MYO1H: variants seen among roughly 807,000 people sequenced by gnomAD.
The protein encoded by MYO1H is myosin IH.
A neutral mutation model predicts 149.3 loss-of-function variants in MYO1H; 118 were observed. That is an observed-to-expected ratio of 0.79 (90% CI 0.68 to 0.92). MYO1H has a LOEUF of 0.92. Among genes scored for constraint, MYO1H ranks in the 40% least tolerant of loss-of-function variants. MYO1H has a pLI of 0.00. For synonymous variants in MYO1H, 447 were observed against 465.2 expected, an observed-to-expected ratio of 0.96 and a Z score of 0.50; for missense variants, 1,212 against 1,280.7, an observed-to-expected ratio of 0.95 and a Z score of 0.82.
intron 1 of MYO1H, among the ~76,000 whole-genome samples, chr12:109,364,163 C>A (rs1162243870): frequency 1.6e-5 from 2 of 128,516 alleles, no homozygotes; most frequent in African/African-American, 3.1e-5. Flanking sequence ...AGAGAGAGAC[C>A]ATGTCTTTAA....
chr12:109,356,389 GTT>G (rs3036281), intron 1 of MYO1H, among the ~76,000 whole-genome samples: 1 of 149,684 alleles, frequency 6.7e-6, no homozygotes, highest in African/African-American at 2.4e-5. Flanking sequence ...GTTTGTTTTT[GTT>G]TTTTTTTTGT....
chr12:109,408,639 T>C (rs974277593), intron 10 of MYO1H, among the ~76,000 whole-genome samples: 1 of 152,070 alleles, frequency 6.6e-6, no homozygotes, highest in South Asian at 2.1e-4. Flanking sequence ...AAGCTAAAAA[T>C]TAAGAAATGA....
chr12:109,428,668 T>C (rs988179532), intron 19 of MYO1H, among the ~76,000 whole-genome samples: 1 of 152,206 alleles, frequency 6.6e-6, no homozygotes, highest in African/African-American at 2.4e-5. Context: ...CATTTGAGAC[T>C]CTTTGCCTTT....
At chr12:109,433,500 A>C (rs1871726951) in intron 20 of MYO1H, among the ~76,000 whole-genome samples, 2 of 152,206 alleles carry the variant, frequency 1.3e-5, no homozygotes. Flanking sequence ...AAGGGACATG[A>C]ATCGGGAAGA....
At position 109,443,103 on chromosome 12, in the gene MYO1H, C is replaced by CGTATGTGTGTGTATGTGTAT. The variant is rs1491439990; in HGVS notation, c.2689-407_2689-406insGTGTGTGTATGTGTATGTAT. Among the ~76,000 whole-genome samples the CGTATGTGTGTGTATGTGTAT allele has an allele frequency of 6.2e-5, 4 of 64,320 alleles. 2 individuals carry two copies. The highest frequency in any genetic ancestry group is 1.2e-4 in the African/African-American group (2 of 17,154). The allele number at this position is 64,320 out of a possible 152,430, so 42.2% of individuals were successfully genotyped here. ...GTACGTATGTGTGTATATATGTGTA[C>CGTATGTGTGTGTATGTGTAT]GTATATGTGTGTATATGTGTACGTA... On this transcript the variant is annotated intron_variant, in intron 27 of 31. Transcript: ENST00000310903.
chr12:109,327,739 CAAAAAAAA>C, the MYO1H span, among the ~76,000 whole-genome samples: 7 of 85,666 alleles, frequency 8.2e-5, no homozygotes, highest in Non-Finnish European at 2.2e-5. Flanking sequence ...AAAACTGTCT[CAAAAAAAA>C]AAAAAAAAAA....
chr12:109,372,236 G>A (rs142606597), intron 1 of MYO1H, among the ~76,000 whole-genome samples: 20 of 151,868 alleles, frequency 1.3e-4, no homozygotes, highest in African/African-American at 4.3e-4. Flanking sequence ...ATATTTTCTT[G>A]TACTTTCCTT....
In MYO1H at chr12:109,422,158, A is replaced by G. The variant is rs112988019; in HGVS notation, c.1644+1131A>G. Among the ~76,000 whole-genome samples the G allele has an allele frequency of 2.6e-5, 4 of 152,332 alleles. 1 individual carries two copies. The highest frequency in any genetic ancestry group is 7.2e-5 in the African/African-American group (3 of 41,582). The stretch of plus-strand genomic sequence containing the variant: ...TTTAAGGCCCCTATTTTGTATTAAA[A>G]TAGTTAACTGTTTTGTGCAAAATTA... On this transcript the variant is annotated intron_variant, in intron 16 of 31. Transcript: ENST00000310903.
chr12:109,333,970 ATTAT>A, the MYO1H span, among the ~76,000 whole-genome samples: 2 of 150,624 alleles, frequency 1.3e-5, no homozygotes, highest in Non-Finnish European at 2.9e-5. Flanking sequence ...ATATTTACTT[ATTAT>A]TTATTTGCTT....
chr12:109,390,823 G>A (rs572891574), intron 2 of MYO1H, among the ~76,000 whole-genome samples: 2 of 152,028 alleles, frequency 1.3e-5, no homozygotes, highest in East Asian at 1.9e-4. Flanking sequence ...CCGCCACCAC[G>A]CCTGGCTAAT....
intron 2 of MYO1H, among the ~76,000 whole-genome samples, chr12:109,389,693 C>G (rs75108034): frequency 0.059 from 8,916 of 152,204 alleles, 860 homozygotes; most frequent in African/African-American, 0.2. Context: ...GTAAATTCCT[C>G]TAGGGTAAAC....
the MYO1H span, among the ~76,000 whole-genome samples, chr12:109,311,561 A>G: frequency 1.3e-5 from 2 of 152,218 alleles, no homozygotes; most frequent in African/African-American, 4.8e-5. Context: ...TTATTTTTTA[A>G]TAAGTGCCTC....
chr12:109,409,512 A>G (rs2135558894), intron 10 of MYO1H, 45 bp from the exon 11 acceptor site: 1 of 1,560,490 alleles, frequency 6.4e-7, no homozygotes, highest in African/African-American at 1.4e-5. Flanking sequence ...TGAGTAGCAC[A>G]AAGGAAAAGA....
chr12:109,434,716 C>T (rs567396749), intron 20 of MYO1H, among the ~76,000 whole-genome samples: 3 of 152,280 alleles, frequency 2.0e-5, no homozygotes, highest in East Asian at 3.9e-4. Flanking sequence ...CACATTCCTG[C>T]GGGAGCCTCT....
chr12:109,383,033 G>A (rs1869236986), intron 1 of MYO1H, among the ~76,000 whole-genome samples: 1 of 151,862 alleles, frequency 6.6e-6, no homozygotes, highest in Non-Finnish European at 1.5e-5. Context: ...AAAGGCTCGG[G>A]GGCTATGCAG....
At chr12:109,327,121 TC>T in the MYO1H span, among the ~76,000 whole-genome samples, 2 of 127,282 alleles carry the variant, frequency 1.6e-5, no homozygotes, top group African/African-American at 3.1e-5. Context: ...CTTTTCTTTT[TC>T]TTTTTCTTTT....
At position 109,406,467 on chromosome 12, in the gene MYO1H, TAAAAAAAAAAAAAAAA is replaced by T. The variant is rs56744077; in HGVS notation, c.964-304_964-289del. Among the ~76,000 whole-genome samples the T allele has an allele frequency of 8.2e-4, 36 of 43,644 alleles. 1 individual carries two copies. In the East Asian group the frequency reaches 0.023, roughly 28 times the overall value. 28.6% of individuals were successfully genotyped at this position (43,644 alleles called of 152,430 possible). On this transcript the variant is annotated intron_variant, in intron 8 of 31. Coordinates refer to ENST00000310903, the Ensembl canonical transcript of MYO1H. Reference sequence around the variant, plus strand: ...GGCAACATAGTGAGACCCTATCTCTTAAAAAAAAAAAAAAAAAAAAAAAAAAAAAAAAATTAGCTAT... The same window carrying T: ...GGCAACATAGTGAGACCCTATCTCTTAAAAAAAAAAAAAAAAATTAGCTAT...
At chr12:109,315,066 C>T in the MYO1H span, among the ~76,000 whole-genome samples, 1 of 152,212 alleles carries the variant, frequency 6.6e-6, no homozygotes, top group East Asian at 1.9e-4. Context: ...CGTGCCACTG[C>T]ATTCCAGCCT....
At chr12:109,399,089 A>G (rs1307493808) in intron 5 of MYO1H, among the ~76,000 whole-genome samples, 1 of 152,242 alleles carries the variant, frequency 6.6e-6, no homozygotes, top group Admixed American at 6.5e-5. Flanking sequence ...AATGTTCAGG[A>G]CAAACTGGCT....
Sources: allele counts gnomAD v4.1 joint callset (sites outside exome capture counted in the v4.1 genomes callset), GRCh38; gene constraint gnomAD v4.1.1; transcripts MANE v1.5; gene names NCBI Gene and HGNC (gene_info 2026-07-23, HGNC 2026-07-21).